Variants in SCAI observed in about 807,000 individuals in gnomAD.
SCAI encodes protein SCAI.
Under a neutral mutation model 92.2 loss-of-function variants are expected in SCAI, and 24 were observed. The observed-to-expected ratio is 0.26, with a 90% CI of 0.19 to 0.37. The LOEUF (loss-of-function observed/expected upper bound fraction) is 0.37, where lower values mean the gene tolerates loss of function less well. SCAI is among the 10% of genes least tolerant of loss of function. SCAI has a pLI of 1.00. For missense variants in SCAI, 450 were observed against 736.2 expected, an observed-to-expected ratio of 0.61 and a Z score of 4.50; for synonymous variants, 261 against 258.6, an observed-to-expected ratio of 1.01 and a Z score of -0.09.
In SCAI at chr9:124,951,059, TAAAAAAAAA is replaced by T. The variant is rs55938057; in HGVS notation, c.*1739_*1747del. ...GGCAACAAAGCAAGACTCTGTCTCT[TAAAAAAAAA>T]AAAAAAAAAAAGTAAAATACTCCCC... On this transcript the variant is annotated 3_prime_UTR_variant, in exon 18 of 18. Coordinates refer to ENST00000336505, the MANE Select transcript of SCAI (RefSeq NM_001144877.3). The T allele has an allele frequency of 1.7e-5, 2 of 116,600 alleles. No homozygotes were observed. The highest frequency in any genetic ancestry group is 3.6e-5 in the Non-Finnish European group (2 of 55,486). The allele number at this position is 116,600 out of a possible 1,614,324, so 7.2% of individuals were successfully genotyped here.
chr9:125,038,186 G>A (rs1833241126), intron 3 of SCAI, among the ~76,000 whole-genome samples: 1 of 151,806 alleles, frequency 6.6e-6, no homozygotes, highest in Non-Finnish European at 1.5e-5. Context: ...GAGCCCAGGA[G>A]GTCAAAGCTG....
intron 2 of SCAI, among the ~76,000 whole-genome samples, chr9:125,096,504 C>T (rs961956145): frequency 1.3e-5 from 2 of 152,190 alleles, no homozygotes; most frequent in Non-Finnish European, 2.9e-5. Context: ...CTGGCAGTGA[C>T]AACTCTTAGG....
In SCAI at chr9:124,966,916, C is replaced by CTT. The variant is rs35221252; in HGVS notation, c.1674+4452_1674+4453dup. On this transcript the variant is annotated intron_variant, in intron 17 of 17. Transcript: ENST00000336505. The stretch of plus-strand genomic sequence containing the variant: ...GTATATGCCACTTCTCCCAGCTTGA[C>CTT]TTTTTTTTTTTTTTTTTACTATAAT... Among the ~76,000 whole-genome samples, 464 of 134,192 alleles carry CTT rather than the reference C, an allele frequency of 3.5e-3. 4 individuals are homozygous for CTT. Among genetic ancestry groups the CTT allele is most frequent in the South Asian group, 0.022 (94 of 4,206 alleles). 88.0% of individuals were successfully genotyped at this position (134,192 alleles called of 152,430 possible).
At chr9:125,098,837 T>C (rs1834618628) in intron 2 of SCAI, among the ~76,000 whole-genome samples, 1 of 152,200 alleles carries the variant, frequency 6.6e-6, no homozygotes, top group South Asian at 2.1e-4. Context: ...TGTTTTGTTG[T>C]TGTTGTTTTA....
At chr9:125,058,431 C>T (rs1013663578) in intron 2 of SCAI, among the ~76,000 whole-genome samples, 1 of 152,106 alleles carries the variant, frequency 6.6e-6, no homozygotes, top group Non-Finnish European at 1.5e-5. Flanking sequence ...AGGAGAATCA[C>T]GTGAACCCGG....
Position 124,943,510 on chromosome 9 carries a change from T to C in SCAI, c.*9297A>G, listed in dbSNP as rs1247664520. The C allele has an allele frequency of 1.3e-5, 2 of 152,230 alleles. No homozygotes were observed. Among genetic ancestry groups the C allele is most frequent in the African/African-American group, 4.8e-5 (2 of 41,462 alleles). The allele number at this position is 152,230 out of a possible 1,614,324, so 9.4% of individuals were successfully genotyped here. ...ATGAAAAATATTGTGCTTCAGTCTC[T>C]TGAGGAGAGCTAATATAACTCTATA... On this transcript the variant is annotated 3_prime_UTR_variant, in exon 18 of 18. Transcript: ENST00000336505.
chr9:125,129,270 G>A (rs551082322), intron 2 of SCAI, among the ~76,000 whole-genome samples: 34 of 149,422 alleles, frequency 2.3e-4, no homozygotes, highest in Non-Finnish European at 4.8e-4. Flanking sequence ...GTGAAACCCC[G>A]TCTCTACTAA....
intron 17 of SCAI, among the ~76,000 whole-genome samples, chr9:124,958,941 T>A (rs969471739): frequency 1.0e-4 from 15 of 149,032 alleles, no homozygotes; most frequent in Non-Finnish European, 1.9e-4. Flanking sequence ...AAAAACAAAA[T>A]CTCTGTAACT....
At chr9:125,130,055 C>A (rs1052443324) in intron 2 of SCAI, among the ~76,000 whole-genome samples, 1 of 151,740 alleles carries the variant, frequency 6.6e-6, no homozygotes, top group East Asian at 1.9e-4. Flanking sequence ...CCCACCACCA[C>A]GCCCAGCTAA....
At chr9:124,969,109 A>G (rs1407884524) in intron 17 of SCAI, among the ~76,000 whole-genome samples, 6 of 152,032 alleles carry the variant, frequency 3.9e-5, no homozygotes, top group Non-Finnish European at 4.4e-5. Flanking sequence ...CTCCTGGCTA[A>G]TTTTAAAAAT....
In SCAI at chr9:125,005,105, A is replaced by T. The variant is rs560784754; in HGVS notation, c.862-1535T>A. 4.6e-5 allele frequency among the ~76,000 whole-genome samples: 7 copies of T among 151,746 alleles called. No individual in the cohort carries two copies. The South Asian group carries it at 1.0e-3, about 23-fold the overall frequency. The stretch of plus-strand genomic sequence containing the variant: ...GCCCAGCCTATGATCCATATTTTAT[A>T]GTAATTTCTTCCATACATTTTGGCA... On this transcript the variant is annotated intron_variant, in intron 9 of 17. Transcript: ENST00000336505.
At chr9:125,139,746 GATT>G (rs1564138358) in intron 2 of SCAI, among the ~76,000 whole-genome samples, 1 of 152,156 alleles carries the variant, frequency 6.6e-6, no homozygotes. Flanking sequence ...TTACAAGATC[GATT>G]TGCACAGTAC....
intron 3 of SCAI, among the ~76,000 whole-genome samples, chr9:125,034,888 A>G (rs977606242): frequency 6.6e-6 from 1 of 152,242 alleles, no homozygotes; most frequent in Non-Finnish European, 1.5e-5. Context: ...TTTGCTATGT[A>G]TAATATTTAC....
intron 17 of SCAI, among the ~76,000 whole-genome samples, chr9:124,967,940 C>T (rs1347449118): frequency 1.3e-5 from 2 of 152,204 alleles, no homozygotes; most frequent in African/African-American, 2.4e-5. Context: ...GCAGTAAGTC[C>T]TTCAAAGAAT....
rs916448026 is a variant in SCAI at position 124,948,636 on chromosome 9, T to C, written c.*4171A>G. On this transcript the variant is annotated 3_prime_UTR_variant, in exon 18 of 18. Transcript: ENST00000336505. ...CTCTTCTGTAAAATAGAGAAGATAG[T>C]TGCTTTACCAACTTCAGAAATATAC... is the stretch of plus-strand genomic sequence containing the variant. The C allele has an allele frequency of 6.6e-6, 1 of 152,220 alleles. No individual in the cohort carries two copies. Among genetic ancestry groups the C allele is most frequent in the Non-Finnish European group, 1.5e-5 (1 of 68,044 alleles). The allele number at this position is 152,220 out of a possible 1,614,324, so 9.4% of individuals were successfully genotyped here. A position where few individuals can be genotyped will look rare whatever the true frequency, so the allele number is the denominator to read the frequency against.
Position 125,019,209 on chromosome 9 carries a change from A to AT in SCAI, c.610-5dup, listed in dbSNP as rs779770292. 1 of 1,507,472 alleles carries AT rather than the reference A, an allele frequency of 6.6e-7. No individual in the cohort carries two copies. The highest frequency in any genetic ancestry group is 2.0e-5 in the Admixed American group (1 of 49,714). The allele number at this position is 1,507,472 out of a possible 1,614,324, so 93.4% of individuals were successfully genotyped here. On this transcript the variant is annotated splice_polypyrimidine_tract_variant and splice_region_variant and intron_variant, in intron 7 of 17. Transcript: ENST00000336505. ...CTTCAATTTCATCTGACAATTCCTG[A>AT]TTTTAAAAACATCACAAAAAAGGTT...
At chr9:125,028,061 C>T (rs149248994) in intron 5 of SCAI, among the ~76,000 whole-genome samples, 36 of 152,308 alleles carry the variant, frequency 2.4e-4, no homozygotes, top group African/African-American at 7.2e-4. Context: ...AGTTATAATA[C>T]AATGCTACAC....
At chr9:125,131,222 A>G (rs917299341) in intron 2 of SCAI, among the ~76,000 whole-genome samples, 1 of 151,640 alleles carries the variant, frequency 6.6e-6, no homozygotes, top group African/African-American at 2.4e-5. Flanking sequence ...CCTGGCCAAC[A>G]TGGTGAAACC....
intron 9 of SCAI, among the ~76,000 whole-genome samples, chr9:125,006,989 C>T (rs1832524046): frequency 6.6e-6 from 1 of 151,872 alleles, no homozygotes; most frequent in Non-Finnish European, 1.5e-5. Flanking sequence ...GCGCGTAGGG[C>T]GTGCCTGTAG....
Sources: gnomAD v4.1 joint callset for allele counts (sites outside exome capture counted in the v4.1 genomes callset) on GRCh38, gnomAD v4.1.1 for gene constraint, MANE v1.5 for transcripts, NCBI Gene and HGNC (gene_info 2026-07-23, HGNC 2026-07-21) for gene names.